GBE1: variants seen among roughly 807,000 people sequenced by gnomAD.
The protein encoded by GBE1 is 1,4-alpha-glucan-branching enzyme.
GBE1 carries 70 observed loss-of-function variants against 88.8 expected under a neutral mutation model. The observed-to-expected ratio is 0.79, with a 90% CI of 0.65 to 0.96. The LOEUF (loss-of-function observed/expected upper bound fraction) is 0.96. Among genes scored for constraint, GBE1 ranks in the 40% least tolerant of loss-of-function variants. The probability of loss-of-function intolerance (pLI) is 0.00; values close to 1 mark genes in which losing one functional copy is unlikely to be tolerated. For missense variants in GBE1, 872 were observed against 871.0 expected, an observed-to-expected ratio of 1.00 and a Z score of -0.01; for synonymous variants, 284 against 300.1, an observed-to-expected ratio of 0.95 and a Z score of 0.56.
At chr3:81,659,299 GA>G (rs1021570255) in intron 3 of GBE1, among the ~76,000 whole-genome samples, 1 of 151,554 alleles carries the variant, frequency 6.6e-6, no homozygotes, top group African/African-American at 2.4e-5. Context: ...ATCATTTGAA[GA>G]AAAAAATATG....
intron 7 of GBE1, among the ~76,000 whole-genome samples, chr3:81,636,481 T>C (rs1704592953): frequency 1.3e-5 from 2 of 152,150 alleles, no homozygotes; most frequent in East Asian, 3.9e-4. Context: ...TAGTTAGCTG[T>C]TTGCTAAACT....
Position 81,586,106 on chromosome 3 carries a change from C to A in GBE1, c.1321G>T (p.Asp441Tyr). Reference sequence around the variant, plus strand: ...TGGACTCTTACCTGAATCCACTTATCTGGAATTGCCATGGCTAGTCGATAG... The same window carrying A: ...TGGACTCTTACCTGAATCCACTTATATGGAATTGCCATGGCTAGTCGATAG... Reference protein sequence around the residue: ...FDYRLAMAIPDKWIQLLKEFK... With the variant: ...FDYRLAMAIPYKWIQLLKEFK... Residue 441 changes from aspartate (D) to tyrosine (Y), a missense_variant, in exon 10 of 16, where the codon GAT becomes TAT. By Grantham distance (160) the Asp-to-Tyr change is radical. Transcript: ENST00000429644. 1 of 1,605,574 alleles carries A rather than the reference C, an allele frequency of 6.2e-7. No individual in the cohort carries two copies. Among genetic ancestry groups the A allele is most frequent in the Non-Finnish European group, 8.5e-7 (1 of 1,175,234 alleles).
chr3:81,525,591 A>C (rs1702932648), intron 14 of GBE1, among the ~76,000 whole-genome samples: 1 of 152,090 alleles, frequency 6.6e-6, no homozygotes, highest in African/African-American at 2.4e-5. Flanking sequence ...TGATTGGAAT[A>C]GTTTCAGAAT....
chr3:81,646,628 C>G, intron 5 of GBE1, 146 bp from the exon 6 acceptor site: 1 of 572,558 alleles, frequency 1.7e-6, no homozygotes. Flanking sequence ...ACTACTTTAA[C>G]ATTTTTTTGT....
intron 7 of GBE1, among the ~76,000 whole-genome samples, chr3:81,639,524 G>A (rs1367647598): frequency 1.3e-5 from 2 of 151,904 alleles, no homozygotes; most frequent in African/African-American, 4.8e-5. Context: ...GAAGGGAGGG[G>A]CGTTAAGGAA....
chr3:81,545,860 T>A (rs1472344830), intron 12 of GBE1, among the ~76,000 whole-genome samples: 1 of 152,126 alleles, frequency 6.6e-6, no homozygotes, highest in East Asian at 1.9e-4. Flanking sequence ...TTGCCCAGCA[T>A]CTCTGCACTA....
At position 81,582,606 on chromosome 3, in the gene GBE1, T is replaced by G. The variant is rs555198724; in HGVS notation, c.1336-1331A>C. Among the ~76,000 whole-genome samples, 13 of 152,246 alleles carry G rather than the reference T, an allele frequency of 8.5e-5. No homozygotes were observed. The South Asian group carries it at 2.5e-3, about 29-fold the overall frequency. ...CTACACAAATGGGCCAGACTAATTT[T>G]TGATAAAAGGGCAACAGAAATTCAA... On this transcript the variant is annotated intron_variant, in intron 10 of 15. Coordinates refer to ENST00000429644, the MANE Select transcript of GBE1 (RefSeq NM_000158.4).
chr3:81,589,083 A>G (rs1703840817), intron 9 of GBE1, among the ~76,000 whole-genome samples: 3 of 152,168 alleles, frequency 2.0e-5, no homozygotes, highest in African/African-American at 7.2e-5. Flanking sequence ...CATACTCTAA[A>G]TATAAAACAA....
At chr3:81,710,906 C>T (rs183244699) in intron 1 of GBE1, among the ~76,000 whole-genome samples, 1 of 152,290 alleles carries the variant, frequency 6.6e-6, no homozygotes, top group Admixed American at 6.5e-5. Context: ...ACATATCACA[C>T]ACTCCAAATT....
At position 81,710,723 on chromosome 3, in the gene GBE1, C is replaced by T. The variant is rs191843410; in HGVS notation, c.144-5110G>A. 2.4e-3 allele frequency among the ~76,000 whole-genome samples: 363 copies of T among 152,248 alleles called. 5 individuals carry two copies. Among genetic ancestry groups the T allele is most frequent in the African/African-American group, 8.4e-3 (348 of 41,540 alleles). On this transcript the variant is annotated intron_variant, in intron 1 of 15. Transcript: ENST00000429644. ...TTTTCTCCACCTTGAAGTGGCAACA[C>T]TATAGTATACTTTTTACTTTATCAA...
chr3:81,601,216 A>G (rs1388621536), intron 7 of GBE1, among the ~76,000 whole-genome samples: 1 of 152,118 alleles, frequency 6.6e-6, no homozygotes, highest in South Asian at 2.1e-4. Flanking sequence ...CACCTGTTAC[A>G]CAGCCTCATT....
intron 1 of GBE1, among the ~76,000 whole-genome samples, chr3:81,719,744 TTATGA>T (rs1705994028): frequency 6.6e-6 from 1 of 152,114 alleles, no homozygotes; most frequent in Non-Finnish European, 1.5e-5. Context: ...ATTTATATCT[TTATGA>T]TATATAGTTT....
intron 7 of GBE1, among the ~76,000 whole-genome samples, chr3:81,607,646 T>C (rs922247113): frequency 1.3e-5 from 2 of 152,190 alleles, no homozygotes; most frequent in African/African-American, 4.8e-5. Context: ...TATTTGAAAT[T>C]TGTGTATTTT....
chr3:81,739,362 T>C (rs77538396), intron 1 of GBE1, among the ~76,000 whole-genome samples: 6,344 of 152,260 alleles, frequency 0.042, 208 homozygotes, highest in Non-Finnish European at 0.061. Context: ...GTGAAACTCA[T>C]TAAAACTTCT....
At chr3:81,713,743 C>T (rs1425291727) in intron 1 of GBE1, among the ~76,000 whole-genome samples, 1 of 152,134 alleles carries the variant, frequency 6.6e-6, no homozygotes, top group African/African-American at 2.4e-5. Context: ...CATCTATTTT[C>T]AAAATCCTAC....
At chr3:81,626,813 T>C (rs1244895835) in intron 7 of GBE1, among the ~76,000 whole-genome samples, 1 of 152,070 alleles carries the variant, frequency 6.6e-6, no homozygotes, top group Non-Finnish European at 1.5e-5. Flanking sequence ...AAATGAAGTA[T>C]TATTATATAG....
chr3:81,525,219 T>C (rs1270558550), intron 14 of GBE1, among the ~76,000 whole-genome samples: 2 of 152,044 alleles, frequency 1.3e-5, no homozygotes, highest in Admixed American at 1.3e-4. Flanking sequence ...ATACCTAATT[T>C]ATTGAGAGTT....
chr3:81,573,844 A>G (rs1703608436), intron 12 of GBE1, among the ~76,000 whole-genome samples: 1 of 151,640 alleles, frequency 6.6e-6, no homozygotes, highest in South Asian at 2.1e-4. Context: ...ATTTCATCTG[A>G]TGCTCTATCT....
intron 2 of GBE1, among the ~76,000 whole-genome samples, chr3:81,673,291 G>A (rs1295139484): frequency 6.6e-6 from 1 of 151,814 alleles, no homozygotes; most frequent in Non-Finnish European, 1.5e-5. Context: ...AAAATAAAGG[G>A]TATAGTTCGT....
Sources: gnomAD v4.1 joint callset for allele counts (sites outside exome capture counted in the v4.1 genomes callset) on GRCh38, gnomAD v4.1.1 for gene constraint, MANE v1.5 for transcripts, NCBI Gene and HGNC (gene_info 2026-07-23, HGNC 2026-07-21) for gene names.